GPC3: variants seen among roughly 807,000 people sequenced by gnomAD.
GPC3 encodes glypican-3.
GPC3 carries 3 observed loss-of-function variants against 34.4 expected under a neutral mutation model. The observed-to-expected ratio is 0.09, with a 90% CI of 0.04 to 0.23. GPC3 has a LOEUF of 0.23. Among genes scored for constraint, GPC3 ranks in the 10% least tolerant of loss-of-function variants. GPC3 has a pLI of 1.00. For synonymous variants in GPC3, 177 were observed against 174.0 expected (o/e 1.02, Z -0.13); for missense variants, 351 against 445.6 (o/e 0.79, Z 1.91).
At chrX:133,744,604 C>A (rs186298189) in intron 3 of GPC3, among the ~76,000 whole-genome samples, 1 of 112,166 alleles carries the variant, frequency 8.9e-6, no homozygotes, top group African/African-American at 3.2e-5. Context: ...GACAGTGTGG[C>A]GATTCCTCAA....
chrX:133,896,738 C>T (rs2076115528), intron 2 of GPC3, among the ~76,000 whole-genome samples: 1 of 110,929 alleles, frequency 9.0e-6, no homozygotes, highest in African/African-American at 3.3e-5. Flanking sequence ...CATTTCCACA[C>T]AAATGATCTC....
chrX:133,968,632 A>C (rs1020978382), intron 1 of GPC3, among the ~76,000 whole-genome samples: 1 of 111,392 alleles, frequency 9.0e-6, no homozygotes, highest in African/African-American at 3.3e-5. Flanking sequence ...AACGATTATT[A>C]GCACCGCCCC....
At chrX:133,675,637 A>G (rs1040681512) in intron 5 of GPC3, among the ~76,000 whole-genome samples, 7 of 111,662 alleles carry the variant, frequency 6.3e-5, no homozygotes, top group African/African-American at 2.0e-4. Flanking sequence ...ACTCTGCCTA[A>G]CCCTTGTCAA....
At chrX:133,611,100 G>A (rs1273671041) in intron 6 of GPC3, among the ~76,000 whole-genome samples, 1 of 110,188 alleles carries the variant, frequency 9.1e-6, no homozygotes, top group Non-Finnish European at 1.9e-5. Flanking sequence ...GAATGTGAGA[G>A]CTGTAAAATG....
intron 3 of GPC3, 31 bp from the exon 4 acceptor site, chrX:133,700,059 A>G (rs1045638901): frequency 2.0e-5 from 23 of 1,122,484 alleles, no homozygotes; most frequent in Non-Finnish European, 2.7e-5. Context: ...TAATTATATG[A>G]TACTTGTGCA....
intron 5 of GPC3, 138 bp from the exon 6 acceptor site, chrX:133,661,988 C>A: frequency 1.6e-6 from 1 of 612,371 alleles, no homozygotes; most frequent in South Asian, 2.6e-5. Flanking sequence ...GACCACTCCA[C>A]ATAGTGTCTA....
At chrX:133,745,261 G>A (rs1479191191) in intron 3 of GPC3, among the ~76,000 whole-genome samples, 1 of 112,086 alleles carries the variant, frequency 8.9e-6, no homozygotes, top group Non-Finnish European at 1.9e-5. Context: ...CTGCCTACTT[G>A]GGCAAATATC....
intron 6 of GPC3, among the ~76,000 whole-genome samples, chrX:133,605,434 C>T (rs912760633): frequency 8.9e-6 from 1 of 112,269 alleles, no homozygotes; most frequent in Admixed American, 9.4e-5. Context: ...GAACTTTCCA[C>T]TGTTTGTAAT....
At chrX:133,701,280 G>A (rs960867317) in intron 3 of GPC3, among the ~76,000 whole-genome samples, 2 of 111,445 alleles carry the variant, frequency 1.8e-5, no homozygotes, top group Non-Finnish European at 3.8e-5. Flanking sequence ...TATCTCCCTT[G>A]TGCCAGACAC....
rs2076316349 is a variant in GPC3, at chrX:133,934,820, G to A, written c.337+18230C>T. Among the ~76,000 whole-genome samples, 4 of 110,543 alleles carry A rather than the reference G, an allele frequency of 3.6e-5. No individual in the cohort carries two copies. The Admixed American group carries it at 3.9e-4, about 11-fold the overall frequency. On this transcript the variant is annotated intron_variant, in intron 2 of 7. Transcript: ENST00000370818. ...TTACAGGCGTGAGCCATCATGCCTG[G>A]ACTTCTTTATAAATTATCCAGTCTC...
At position 133,969,874 on chromosome X, in the gene GPC3, C is replaced by A. The variant is rs148152050; in HGVS notation, c.175+15401G>T. Among the ~76,000 whole-genome samples the A allele has an allele frequency of 1.8e-3, 203 of 111,841 alleles. 1 individual carries two copies. The highest frequency in any genetic ancestry group is 1.2e-3 in the Admixed American group (13 of 10,573). On this transcript the variant is annotated intron_variant, in intron 1 of 7. Transcript: ENST00000370818. The stretch of plus-strand genomic sequence containing the variant: ...ACACGACCATAACAACCTCCAGGCA[C>A]AAACTAAAAGCTCATTAAAGAGTAT...
At position 133,918,116 on chromosome X, in the gene GPC3, A is replaced by G. The variant is rs746287812; in HGVS notation, c.337+34934T>C. On this transcript the variant is annotated intron_variant, in intron 2 of 7. Transcript: ENST00000370818. ...CTTCGTATATCTTTTTAAAAAAATCATATAAATAAAAAACTACCTAGAATT... is the reference window on the plus strand; with the variant it reads ...CTTCGTATATCTTTTTAAAAAAATCGTATAAATAAAAAACTACCTAGAATT... 3.5e-5 allele frequency among the ~76,000 whole-genome samples: 4 copies of G among 112,712 alleles called. No homozygotes were observed. The South Asian group carries it at 1.5e-3, about 41-fold the overall frequency.
In GPC3 at chrX:133,571,400, T is replaced by A. The variant is rs182038594; in HGVS notation, c.1573+25040A>T. ...TTTTTTGAGATGGATTCTCGCTCTG[T>A]CGCCCAGGCTGGAGTGCAGTGGCGC... On this transcript the variant is annotated intron_variant, in intron 7 of 7. Coordinates refer to ENST00000370818, the MANE Select transcript of GPC3 (RefSeq NM_004484.4). Among the ~76,000 whole-genome samples, 6 of 110,876 alleles carry A rather than the reference T, an allele frequency of 5.4e-5. No individual in the cohort carries two copies. In the East Asian group the frequency reaches 1.7e-3, roughly 32 times the overall value.
At chrX:133,921,086 G>A (rs1017686691) in intron 2 of GPC3, among the ~76,000 whole-genome samples, 2 of 112,138 alleles carry the variant, frequency 1.8e-5, no homozygotes, top group African/African-American at 6.5e-5. Context: ...CATTTAATCA[G>A]ATTTTCTTTT....
At chrX:133,579,546 A>T (rs2069715554) in intron 7 of GPC3, among the ~76,000 whole-genome samples, 2 of 111,915 alleles carry the variant, frequency 1.8e-5, no homozygotes. Flanking sequence ...TTTCATTTTT[A>T]TTTTTATTTT....
chrX:133,942,146 A>G (rs1031549148), intron 2 of GPC3, among the ~76,000 whole-genome samples: 1 of 111,886 alleles, frequency 8.9e-6, no homozygotes, highest in African/African-American at 3.2e-5. Context: ...CCTACTATGT[A>G]CCCACAAAAA....
chrX:133,830,734 A>G (rs1476674521), intron 2 of GPC3, among the ~76,000 whole-genome samples: 1 of 105,902 alleles, frequency 9.4e-6, no homozygotes, highest in African/African-American at 3.4e-5. Flanking sequence ...AAAACATAGG[A>G]GATGTTTTTT....
intron 1 of GPC3, among the ~76,000 whole-genome samples, chrX:133,955,394 C>T (rs2076412262): frequency 1.8e-5 from 2 of 111,289 alleles, no homozygotes; most frequent in Admixed American, 1.9e-4. Flanking sequence ...CAGACCTGCA[C>T]CATGGTCTGA....
intron 7 of GPC3, among the ~76,000 whole-genome samples, chrX:133,587,763 T>A (rs2069804177): frequency 8.9e-6 from 1 of 112,243 alleles, no homozygotes; most frequent in Admixed American, 9.5e-5. Flanking sequence ...TAAAGTATGT[T>A]ACATCCATTA....
Sources: allele counts gnomAD v4.1 joint callset (sites outside exome capture counted in the v4.1 genomes callset), GRCh38; gene constraint gnomAD v4.1.1; transcripts MANE v1.5; gene names NCBI Gene and HGNC (gene_info 2026-07-23, HGNC 2026-07-21).